The following TLK2 variants were observed in gnomAD, a reference collection of about 807,000 sequenced individuals.
TLK2 encodes the protein serine/threonine-protein kinase tousled-like 2.
TLK2 carries 6 observed loss-of-function variants against 117.3 expected under a neutral mutation model. The observed-to-expected ratio is 0.05, with a 90% CI of 0.03 to 0.10. The LOEUF is 0.10. Ranked by LOEUF, TLK2 falls within the 10% of genes least tolerant of loss-of-function variation. The pLI is 1.00. For missense variants in TLK2, 299 were observed against 901.2 expected (o/e 0.33, Z 8.56); for synonymous variants, 257 against 316.7 (o/e 0.81, Z 2.00).
At chr17:62,477,698 G>A (rs1170237665), upstream of TLK2, 1 of 152,228 alleles carries the variant, frequency 6.6e-6, no homozygotes, top group Admixed American at 6.5e-5. Context: ...AAATTATAAG[G>A]TGGGTGGCTG....
At chr17:62,545,180 C>G (rs967356620) in intron 7 of TLK2, among the ~76,000 whole-genome samples, 10 of 152,132 alleles carry the variant, frequency 6.6e-5, no homozygotes, top group African/African-American at 2.4e-4. Flanking sequence ...GTGCCTGCCA[C>G]TATGCCCAAC....
intron 2 of TLK2, among the ~76,000 whole-genome samples, chr17:62,519,222 G>A (rs937635624): frequency 1.3e-5 from 2 of 152,064 alleles, no homozygotes; most frequent in African/African-American, 4.8e-5. Flanking sequence ...TGAAGGAAGG[G>A]TACAACTTCA....
chr17:62,579,499 G>C (rs1314485119), intron 14 of TLK2, among the ~76,000 whole-genome samples: 1 of 152,174 alleles, frequency 6.6e-6, no homozygotes, highest in Non-Finnish European at 1.5e-5. Flanking sequence ...TTAATAGTGA[G>C]ATTGTTTAAG....
In TLK2 at chr17:62,559,535, G is replaced by A. The variant is rs182980306; in HGVS notation, c.721-481G>A. Among the ~76,000 whole-genome samples the A allele has an allele frequency of 3.7e-3, 563 of 152,004 alleles. 5 individuals are homozygous for A. Among genetic ancestry groups the A allele is most frequent in the African/African-American group, 0.013 (543 of 41,462 alleles). ...TGGAATTACAGGCTCCCGCAACCATGTGTGGCTAATTTTTTTATATTTAGT... is the reference window on the plus strand; with the variant it reads ...TGGAATTACAGGCTCCCGCAACCATATGTGGCTAATTTTTTTATATTTAGT... On this transcript the variant is annotated intron_variant, in intron 9 of 21. Coordinates refer to ENST00000346027, the MANE Select transcript of TLK2 (RefSeq NM_006852.6).
intron 15 of TLK2, among the ~76,000 whole-genome samples, chr17:62,581,477 C>T (rs1166479566): frequency 1.4e-5 from 2 of 146,124 alleles, no homozygotes; most frequent in Non-Finnish European, 3.0e-5. Context: ...CTCACTCTGA[C>T]ACCCAGGCTA....
chr17:62,503,962 G>A (rs1359518450), intron 2 of TLK2, among the ~76,000 whole-genome samples: 1 of 151,694 alleles, frequency 6.6e-6, no homozygotes, highest in Non-Finnish European at 1.5e-5. Flanking sequence ...TGGAACTCCC[G>A]ACCTCAGGTG....
intron 6 of TLK2, among the ~76,000 whole-genome samples, chr17:62,527,008 T>A (rs2076407982): frequency 6.6e-6 from 1 of 152,232 alleles, no homozygotes; most frequent in Admixed American, 6.5e-5. Context: ...ATCGTCCACC[T>A]GATTCTGACA....
At chr17:62,549,220 C>T (rs2078192214) in intron 7 of TLK2, among the ~76,000 whole-genome samples, 1 of 146,294 alleles carries the variant, frequency 6.8e-6, no homozygotes, top group Admixed American at 6.8e-5. Context: ...GGTGAAAACA[C>T]CGTCTGTACT....
chr17:62,580,061 A>G (rs1426708264), intron 14 of TLK2, 50 bp from the exon 15 acceptor site: 8 of 1,503,358 alleles, frequency 5.3e-6, no homozygotes, highest in Non-Finnish European at 5.5e-6. Flanking sequence ...GCAAGCGTGG[A>G]AGACTGTAGT....
intron 2 of TLK2, among the ~76,000 whole-genome samples, chr17:62,510,653 T>C (rs2075072117): frequency 6.6e-6 from 1 of 152,242 alleles, no homozygotes; most frequent in Admixed American, 6.5e-5. Flanking sequence ...TGGCCTCATA[T>C]TGTAGTCCCT....
intron 2 of TLK2, among the ~76,000 whole-genome samples, chr17:62,506,096 C>CA (rs1440454129): frequency 6.6e-6 from 1 of 152,172 alleles, no homozygotes; most frequent in Non-Finnish European, 1.5e-5. Flanking sequence ...TCATAAGTAA[C>CA]AGTTATCTAG....
At chr17:62,588,964 G>C (rs2081866838) in intron 16 of TLK2, among the ~76,000 whole-genome samples, 1 of 152,172 alleles carries the variant, frequency 6.6e-6, no homozygotes, top group Non-Finnish European at 1.5e-5. Flanking sequence ...AGTAAGGTCT[G>C]TTAATTGCGT....
At position 62,603,818 on chromosome 17, in the gene TLK2, C is replaced by T. The variant is rs373519170; in HGVS notation, c.1859+1638C>T. Among the ~76,000 whole-genome samples the T allele has an allele frequency of 2.5e-4, 38 of 152,068 alleles. 1 individual carries two copies. In the East Asian group the frequency reaches 7.2e-3, roughly 29 times the overall value. Reference sequence around the variant, plus strand: ...TGAGAAGATTAAGTGTTACAGGTTTCTATGAAGGTTTGAAGAGTCTCCAAA... The same window carrying T: ...TGAGAAGATTAAGTGTTACAGGTTTTTATGAAGGTTTGAAGAGTCTCCAAA... On this transcript the variant is annotated intron_variant, in intron 19 of 21. Transcript: ENST00000346027.
At chr17:62,489,447 G>A (rs1402816954) in intron 2 of TLK2, among the ~76,000 whole-genome samples, 5 of 152,064 alleles carry the variant, frequency 3.3e-5, no homozygotes, top group Non-Finnish European at 7.4e-5. Context: ...AACCTCAGGC[G>A]ATCCGCCAGC....
intron 1 of TLK2, among the ~76,000 whole-genome samples, chr17:62,479,565 C>T (rs1375112636): frequency 6.6e-6 from 1 of 151,964 alleles, no homozygotes; most frequent in East Asian, 2.0e-4. Context: ...GAGGCCTCGG[C>T]AGCCTCCCGG....
At chr17:62,514,664 T>G (rs1260535656) in intron 2 of TLK2, among the ~76,000 whole-genome samples, 7 of 151,734 alleles carry the variant, frequency 4.6e-5, no homozygotes, top group African/African-American at 1.5e-4. Context: ...ATGCAACCTC[T>G]GCCTCCCAGC....
intron 18 of TLK2, 90 bp downstream of exon 18, chr17:62,600,910 C>A: frequency 7.6e-7 from 1 of 1,317,410 alleles, no homozygotes; most frequent in Non-Finnish European, 1.0e-6. Context: ...AATTTCACAG[C>A]AGCCAAGAAA....
At chr17:62,495,283 C>T (rs2073535815) in intron 2 of TLK2, among the ~76,000 whole-genome samples, 1 of 151,952 alleles carries the variant, frequency 6.6e-6, no homozygotes, top group Non-Finnish European at 1.5e-5. Flanking sequence ...GAAACTCCAT[C>T]TCAAAAAACA....
upstream of TLK2, among the ~76,000 whole-genome samples, chr17:62,477,102 A>AAT (rs1555581360): frequency 1.3e-5 from 2 of 151,634 alleles, no homozygotes; most frequent in Non-Finnish European, 2.9e-5. Flanking sequence ...AAAAAAAAAA[A>AAT]TTTTTTTTAA....
Sources: gnomAD v4.1 joint callset for allele counts (sites outside exome capture counted in the v4.1 genomes callset) on GRCh38, gnomAD v4.1.1 for gene constraint, MANE v1.5 for transcripts, NCBI Gene and HGNC (gene_info 2026-07-23, HGNC 2026-07-21) for gene names.